Variants in TMEM170B observed in about 807,000 individuals in gnomAD.
TMEM170B encodes the protein transmembrane protein 170B.
In TMEM170B, 6 loss-of-function variants were observed where a neutral mutation model predicts 13.0. The ratio of observed to expected loss-of-function variants is 0.46; its 90% CI spans 0.25 to 0.91. The LOEUF (loss-of-function observed/expected upper bound fraction) is 0.91, where lower values mean the gene tolerates loss of function less well. Ranked by LOEUF, TMEM170B falls within the 40% of genes least tolerant of loss-of-function variation. TMEM170B has a pLI of 0.17. For synonymous variants in TMEM170B, 61 were observed against 64.9 expected (o/e 0.94, Z 0.29); for missense variants, 138 against 165.2 (o/e 0.84, Z 0.90).
Position 11,538,288 on chromosome 6 carries a change from AG to A in TMEM170B, c.17del (p.Gly6AlafsTer5). Reference protein sequence around the residue: MKAEGGDHSMINLS... With the variant: MKAXGGDHSMINLS... ...CGCCCCTCGGGGAAGATGAAGGCGG[AG>A]GGGGGCGACCACTCCATGATCAACC... On this transcript the variant is annotated frameshift_variant, in exon 1 of 3. Transcript: ENST00000379426. LOFTEE classifies it high-confidence loss of function. 8 of 1,412,650 alleles carry A rather than the reference AG, an allele frequency of 5.7e-6. No homozygotes were observed. The highest frequency in any genetic ancestry group is 1.6e-5 in the South Asian group (1 of 62,862). The allele number at this position is 1,412,650 out of a possible 1,614,324, so 87.5% of individuals were successfully genotyped here.
At chr6:11,570,046 C>T (rs192349012) in intron 2 of TMEM170B, among the ~76,000 whole-genome samples, 319 of 151,974 alleles carry the variant, frequency 2.1e-3, no homozygotes, top group African/African-American at 7.1e-3. Context: ...TCTACTGGAT[C>T]GCTCAAAAAG....
chr6:11,551,024 G>A (rs750149739), intron 1 of TMEM170B, among the ~76,000 whole-genome samples: 51 of 152,238 alleles, frequency 3.4e-4, no homozygotes, highest in Non-Finnish European at 7.2e-4. Flanking sequence ...AGTCTCTGAT[G>A]GTCAGGAATG....
rs1759714513 is a variant in TMEM170B at position 11,564,825 on chromosome 6, G to T, written c.98-841G>T. Among the ~76,000 whole-genome samples the T allele has an allele frequency of 1.3e-5, 2 of 152,142 alleles. 1 individual carries two copies. The highest frequency in any genetic ancestry group is 4.1e-4 in the South Asian group (2 of 4,836). ...ACCCAAAGAGCAAGGACACTCAGTT[G>T]GTCCCAATCCAGAAGTCCCAGGGGA... On this transcript the variant is annotated intron_variant, in intron 1 of 2. Transcript: ENST00000379426.
At chr6:11,558,437 T>G (rs959200289) in intron 1 of TMEM170B, among the ~76,000 whole-genome samples, 2 of 152,200 alleles carry the variant, frequency 1.3e-5, no homozygotes, top group African/African-American at 4.8e-5. Context: ...GGTTTCTCAT[T>G]CTTGGCTGTA....
intron 1 of TMEM170B, among the ~76,000 whole-genome samples, chr6:11,540,654 T>C (rs948513794): frequency 6.6e-6 from 1 of 152,246 alleles, no homozygotes; most frequent in East Asian, 1.9e-4. Flanking sequence ...TGAAAGTTGA[T>C]ATTTGGACCT....
Position 11,580,614 on chromosome 6 carries a change from G to C in TMEM170B, c.*5053G>C, listed in dbSNP as rs1409807604. The C allele has an allele frequency of 1.3e-5, 2 of 152,192 alleles. No individual in the cohort carries two copies. The highest frequency in any genetic ancestry group is 2.9e-5 in the Non-Finnish European group (2 of 68,034). 9.4% of individuals were successfully genotyped at this position (152,192 alleles called of 1,614,324 possible). ...TAATAATCGGGTGAAACTCTGAATTGTTAAAACGGACCAATAATCAAATGG... is the reference window on the plus strand; with the variant it reads ...TAATAATCGGGTGAAACTCTGAATTCTTAAAACGGACCAATAATCAAATGG... On this transcript the variant is annotated 3_prime_UTR_variant, in exon 3 of 3. Coordinates refer to ENST00000379426, the MANE Select transcript of TMEM170B (RefSeq NM_001100829.3).
rs140479254 is a variant in TMEM170B at position 11,557,109 on chromosome 6, T to C, written c.98-8557T>C. ...ACAATCTGTAAAAATTGTAGCTGAT[T>C]TCTTCTTACCCACTTGTATGTTGCC... On this transcript the variant is annotated intron_variant, in intron 1 of 2. Coordinates refer to ENST00000379426, the MANE Select transcript of TMEM170B (RefSeq NM_001100829.3). Among the ~76,000 whole-genome samples the C allele has an allele frequency of 1.1e-3, 173 of 152,332 alleles. 3 individuals carry two copies. The East Asian group carries it at 0.026, about 23-fold the overall frequency.
Position 11,538,302 on chromosome 6 carries a change from T to G in TMEM170B, c.25T>G (p.Ser9Ala), listed in dbSNP as rs750443391. The G allele has an allele frequency of 6.8e-5, 101 of 1,481,242 alleles. No individual in the cohort carries two copies. The highest frequency in any genetic ancestry group is 2.3e-5 in the Non-Finnish European group (26 of 1,122,502). 91.8% of individuals were successfully genotyped at this position (1,481,242 alleles called of 1,614,324 possible). Reference protein sequence around the residue: MKAEGGDHSMINLSVQQVL... With the variant: MKAEGGDHAMINLSVQQVL... ...GATGAAGGCGGAGGGGGGCGACCACTCCATGATCAACCTGTCGGTGCAGCA... is the reference window on the plus strand; with the variant it reads ...GATGAAGGCGGAGGGGGGCGACCACGCCATGATCAACCTGTCGGTGCAGCA... The change falls in exon 1 of 3, where the codon TCC becomes GCC. Residue 9 changes from serine (S) to alanine (A), a missense_variant. Ser to Ala is a moderately conservative substitution (Grantham distance 99, BLOSUM62 1). Coordinates refer to ENST00000379426, the MANE Select transcript of TMEM170B (RefSeq NM_001100829.3).
chr6:11,555,079 A>C (rs980160939), intron 1 of TMEM170B, among the ~76,000 whole-genome samples: 2 of 152,004 alleles, frequency 1.3e-5, no homozygotes, highest in Admixed American at 6.6e-5. Context: ...CTGGCAGTTG[A>C]TTCTCTGAGC....
chr6:11,570,597 G>A (rs958946691), intron 2 of TMEM170B, among the ~76,000 whole-genome samples: 6 of 152,048 alleles, frequency 3.9e-5, no homozygotes, highest in Non-Finnish European at 5.9e-5. Flanking sequence ...TTTGCCAATT[G>A]CAATATTAAA....
rs1430288735 is a variant in TMEM170B, at chr6:11,578,664, T to G, written c.*3103T>G. Reference sequence around the variant, plus strand: ...TGGAGCAGAATTATTCTTTAGATCTTAATGTTTACCAAACAGTGTTACAGT... The same window carrying G: ...TGGAGCAGAATTATTCTTTAGATCTGAATGTTTACCAAACAGTGTTACAGT... On this transcript the variant is annotated 3_prime_UTR_variant, in exon 3 of 3. Transcript: ENST00000379426. 1 of 152,196 alleles carries G rather than the reference T, an allele frequency of 6.6e-6. No homozygotes were observed. The highest frequency in any genetic ancestry group is 2.4e-5 in the African/African-American group (1 of 41,466). The allele number at this position is 152,196 out of a possible 1,614,324, so 9.4% of individuals were successfully genotyped here.
In TMEM170B at chr6:11,545,294, G is replaced by C. The variant is rs1359541998; in HGVS notation, c.97+6920G>C. ...TCTCTCTCTCTCTGTGTGTGTGTGT[G>C]TGTGTGTGTGTGTGTGTAGTACTAG... On this transcript the variant is annotated intron_variant, in intron 1 of 2. Transcript: ENST00000379426. 2.6e-5 allele frequency among the ~76,000 whole-genome samples: 4 copies of C among 151,824 alleles called. No individual in the cohort carries two copies. In the East Asian group the frequency reaches 7.7e-4, roughly 29 times the overall value.
At chr6:11,553,952 C>A (rs1231023170) in intron 1 of TMEM170B, among the ~76,000 whole-genome samples, 1 of 152,108 alleles carries the variant, frequency 6.6e-6, no homozygotes, top group Non-Finnish European at 1.5e-5. Flanking sequence ...CTCTTTTAAT[C>A]CCAGTACAGC....
chr6:11,546,968 A>G (rs1759449147), intron 1 of TMEM170B, among the ~76,000 whole-genome samples: 1 of 152,242 alleles, frequency 6.6e-6, no homozygotes, highest in African/African-American at 2.4e-5. Flanking sequence ...CAAATACTGT[A>G]GTAAAAGTTA....
At chr6:11,564,009 G>T (rs374158461) in intron 1 of TMEM170B, among the ~76,000 whole-genome samples, 2 of 152,272 alleles carry the variant, frequency 1.3e-5, no homozygotes, top group East Asian at 3.9e-4. Context: ...CATTTGTGAT[G>T]ATTTATTTCA....
rs886844073 is a variant in TMEM170B, at chr6:11,537,976, C to T, written c.-302C>T. On this transcript the variant is annotated 5_prime_UTR_variant, in exon 1 of 3. Transcript: ENST00000379426. The stretch of plus-strand genomic sequence containing the variant: ...TGAGAGGGAGCGGCGGCGGCCTCCT[C>T]CGCCCCGAGTCCTCGCTCGGGGGCC... Among the ~76,000 whole-genome samples the T allele has an allele frequency of 1.3e-5, 2 of 151,242 alleles. No homozygotes were observed. Among genetic ancestry groups the T allele is most frequent in the East Asian group, 1.9e-4 (1 of 5,136 alleles).
intron 1 of TMEM170B, among the ~76,000 whole-genome samples, chr6:11,554,294 G>A (rs2113769581): frequency 6.6e-6 from 1 of 151,756 alleles, no homozygotes; most frequent in East Asian, 1.9e-4. Context: ...ATGTTTTTTT[G>A]TATGATACAT....
intron 1 of TMEM170B, among the ~76,000 whole-genome samples, chr6:11,564,811 A>G (rs76738443): frequency 0.018 from 2,702 of 152,292 alleles, 63 homozygotes; most frequent in African/African-American, 0.06. Flanking sequence ...CCCAAAGAGC[A>G]AGGACACTCA....
At position 11,581,032 on chromosome 6, in the gene TMEM170B, G is replaced by T. The variant is rs564105031; in HGVS notation, c.*5471G>T. The T allele has an allele frequency of 6.6e-6, 1 of 152,270 alleles. No individual in the cohort carries two copies. The highest frequency in any genetic ancestry group is 2.4e-5 in the African/African-American group (1 of 41,566). 9.4% of individuals were successfully genotyped at this position (152,270 alleles called of 1,614,324 possible). A position where few individuals can be genotyped will look rare whatever the true frequency, so the allele number is the denominator to read the frequency against. On this transcript the variant is annotated 3_prime_UTR_variant, in exon 3 of 3. Transcript: ENST00000379426. ...TCTAAAAATGTATCCATGAATTTGG[G>T]GGAAATAATGCTTAATATCTGAAGT...
Sources: gnomAD v4.1 joint callset for allele counts (sites outside exome capture counted in the v4.1 genomes callset) on GRCh38, gnomAD v4.1.1 for gene constraint, MANE v1.5 for transcripts, NCBI Gene and HGNC (gene_info 2026-07-23, HGNC 2026-07-21) for gene names.